Variants in EYS observed in about 807,000 individuals in gnomAD.
The protein encoded by EYS is EGF-like photoreceptor maintenance factor.
In EYS, 250 loss-of-function variants were observed where a neutral mutation model predicts 282.1. The ratio of observed to expected loss-of-function variants is 0.89; its 90% confidence interval spans 0.80 to 0.98. The LOEUF (loss-of-function observed/expected upper bound fraction) is 0.98. Ranked by LOEUF, EYS falls within the 50% of genes least tolerant of loss-of-function variation. The pLI, the probability that EYS is intolerant of heterozygous loss-of-function variation, is 0.00. For missense variants in EYS, 4,016 were observed against 3,709.0 expected (o/e 1.08, Z -2.15); for synonymous variants, 1,355 against 1,282.9 (o/e 1.06, Z -1.20).
chr6:64,781,484 G>A (rs1773858566), intron 22 of EYS, among the ~76,000 whole-genome samples: 1 of 151,540 alleles, frequency 6.6e-6, no homozygotes, highest in African/African-American at 2.4e-5. Context: ...GGCTGAGGCA[G>A]GAGAACGGCG....
chr6:65,123,556 C>A (rs546547463), intron 12 of EYS, among the ~76,000 whole-genome samples: 63 of 152,232 alleles, frequency 4.1e-4, no homozygotes, highest in Admixed American at 5.2e-4. Context: ...GAATTCACTG[C>A]TCAAACCTAT....
intron 19 of EYS, among the ~76,000 whole-genome samples, chr6:64,862,111 A>C (rs905201897): frequency 6.6e-6 from 1 of 152,200 alleles, no homozygotes; most frequent in African/African-American, 2.4e-5. Flanking sequence ...AACACTTTAA[A>C]TATTTCATCT....
At chr6:63,789,035 G>C (rs1302124842) in intron 38 of EYS, 23 bp downstream of exon 38, 2 of 1,548,232 alleles carry the variant, frequency 1.3e-6, no homozygotes, top group East Asian at 4.9e-5. Flanking sequence ...GTTTGTGGAA[G>C]TGACGAAGGA....
intron 26 of EYS, among the ~76,000 whole-genome samples, chr6:64,487,027 C>T (rs1362886824): frequency 1.3e-5 from 2 of 151,192 alleles, no homozygotes; most frequent in Non-Finnish European, 3.0e-5. Context: ...CTTTTTTCCT[C>T]ATACACCATC....
chr6:63,720,947 G>A lies in EYS; in HGVS notation c.9084C>T (p.Ile3028=), dbSNP rs1417507821. 2 of 1,551,176 alleles carry A rather than the reference G, an allele frequency of 1.3e-6. No homozygotes were observed. Among genetic ancestry groups the A allele is most frequent in the African/African-American group, 1.4e-5 (1 of 73,026 alleles). The stretch of plus-strand genomic sequence containing the variant: ...CATTGTTATAGCTCATAGGCACAGA[G>A]ATTCTTTCTCCCAAGTTAACTGCTA... ...LKIAVNLGER[I]SVPMSYNNGT... The change falls in exon 43 of 43, where the codon ATC becomes ATT. Residue 3028 remains isoleucine, a synonymous_variant. Coordinates refer to ENST00000503581, the MANE Select transcript of EYS (RefSeq NM_001142800.2).
intron 30 of EYS, among the ~76,000 whole-genome samples, chr6:64,296,569 TATATATATATATATACATATATA>T (rs1561913640): frequency 7.3e-4 from 5 of 6,830 alleles, no homozygotes; most frequent in African/African-American, 3.8e-3. Flanking sequence ...TATATATATA[TATATATATATATATACATATATA>T]TATATATTTT....
intron 35 of EYS, among the ~76,000 whole-genome samples, chr6:63,932,875 C>T (rs998243178): frequency 2.6e-5 from 4 of 152,218 alleles, no homozygotes; most frequent in Non-Finnish European, 5.9e-5. Flanking sequence ...TAAGACTTCT[C>T]CCCACTTCAG....
chr6:64,292,807 G>C (rs1768763650), intron 30 of EYS, among the ~76,000 whole-genome samples: 1 of 151,972 alleles, frequency 6.6e-6, no homozygotes, highest in Admixed American at 6.6e-5. Flanking sequence ...TAACATATAT[G>C]CTATGTATTT....
chr6:64,630,033 T>C (rs1767729575), intron 22 of EYS, among the ~76,000 whole-genome samples: 1 of 152,214 alleles, frequency 6.6e-6, no homozygotes, highest in Non-Finnish European at 1.5e-5. Context: ...CTATAAGTTT[T>C]TAAAATGTAG....
At position 65,067,915 on chromosome 6, in the gene EYS, A is replaced by G. The variant is rs73765747; in HGVS notation, c.2024-10188T>C. ...TTTCAGTAAGGGATATGCTTATTAA[A>G]GAGGCAGATATTAATTCTATCACAT... On this transcript the variant is annotated intron_variant, in intron 12 of 42. Coordinates refer to ENST00000503581, the MANE Select transcript of EYS (RefSeq NM_001142800.2). 4.5e-3 allele frequency among the ~76,000 whole-genome samples: 689 copies of G among 152,274 alleles called. 3 individuals are homozygous for G. Among genetic ancestry groups the G allele is most frequent in the African/African-American group, 0.016 (654 of 41,570 alleles).
At chr6:63,830,309 T>C (rs958588491) in intron 36 of EYS, among the ~76,000 whole-genome samples, 3 of 152,004 alleles carry the variant, frequency 2.0e-5, no homozygotes, top group Non-Finnish European at 4.4e-5. Flanking sequence ...CGCAAAAAAG[T>C]TAAAAACCTT....
intron 12 of EYS, among the ~76,000 whole-genome samples, chr6:65,154,137 G>A (rs997470849): frequency 6.6e-6 from 1 of 151,670 alleles, no homozygotes; most frequent in Admixed American, 6.6e-5. Context: ...ACCTCACAGT[G>A]CCAACTCCTA....
intron 1 of EYS, among the ~76,000 whole-genome samples, chr6:65,672,755 A>G (rs551756335): frequency 1.3e-5 from 2 of 152,292 alleles, no homozygotes; most frequent in Admixed American, 1.3e-4. Flanking sequence ...ACATCAACAA[A>G]GACAGAAAAT....
At chr6:65,090,037 G>C (rs952013346) in intron 12 of EYS, among the ~76,000 whole-genome samples, 29 of 150,556 alleles carry the variant, frequency 1.9e-4, no homozygotes, top group African/African-American at 6.6e-4. Context: ...GGGGACAGTT[G>C]GAAGGGCATA....
chr6:65,403,287 A>G (rs1295463389), intron 6 of EYS, among the ~76,000 whole-genome samples: 1 of 152,112 alleles, frequency 6.6e-6, no homozygotes, highest in African/African-American at 2.4e-5. Context: ...AAATAAAATG[A>G]AATTAAATTT....
intron 30 of EYS, among the ~76,000 whole-genome samples, chr6:64,239,719 A>T (rs1248421998): frequency 6.6e-6 from 1 of 151,822 alleles, no homozygotes. Flanking sequence ...GTTCACTCTG[A>T]TGAGAGTTTC....
intron 31 of EYS, among the ~76,000 whole-genome samples, chr6:64,195,263 G>A (rs928089053): frequency 6.6e-6 from 1 of 151,966 alleles, no homozygotes; most frequent in Non-Finnish European, 1.5e-5. Flanking sequence ...TTTGGTTCTC[G>A]ATTTAAAAAA....
intron 8 of EYS, among the ~76,000 whole-genome samples, chr6:65,371,058 T>C (rs1434936360): frequency 6.7e-6 from 1 of 150,322 alleles, no homozygotes; most frequent in Non-Finnish European, 1.5e-5. Flanking sequence ...AGTATGGGAG[T>C]GTGGCTGGTT....
intron 14 of EYS, among the ~76,000 whole-genome samples, chr6:64,984,427 TA>T (rs796498604): frequency 6.6e-6 from 1 of 151,498 alleles, no homozygotes; most frequent in Non-Finnish European, 1.5e-5. Context: ...AATTACTTTT[TA>T]AAAAATTTTA....
Sources: allele counts gnomAD v4.1 joint callset (sites outside exome capture counted in the v4.1 genomes callset), GRCh38; gene constraint gnomAD v4.1.1; transcripts MANE v1.5; gene names NCBI Gene and HGNC (gene_info 2026-07-23, HGNC 2026-07-21).